The following LRIT3 variants were observed in gnomAD, a reference collection of about 807,000 sequenced individuals.
LRIT3 encodes leucine rich repeat, Ig-like and transmembrane domains 3.
Under a neutral mutation model 22.6 loss-of-function variants are expected in LRIT3, and 14 were observed. The observed-to-expected ratio is 0.62, with a 90% CI of 0.41 to 0.97. The LOEUF (loss-of-function observed/expected upper bound fraction) is 0.97. Among genes scored for constraint, LRIT3 ranks in the 50% least tolerant of loss-of-function variants. The probability of loss-of-function intolerance (pLI) is 0.00; values close to 1 mark genes in which losing one functional copy is unlikely to be tolerated. For missense variants in LRIT3, 783 were observed against 803.0 expected, an observed-to-expected ratio of 0.98 and a Z score of 0.30; for synonymous variants, 306 against 304.5, an observed-to-expected ratio of 1.01 and a Z score of -0.05.
chr4:109,856,044 C>T (rs1218840729), intron 2 of LRIT3, among the ~76,000 whole-genome samples: 3 of 152,100 alleles, frequency 2.0e-5, no homozygotes, highest in African/African-American at 2.4e-5. Flanking sequence ...CATTCCATTC[C>T]CAGAATTATG....
rs1292726071 is a variant in LRIT3 at position 109,851,929 on chromosome 4, CAACACCT to C, written c.543_549del (p.Thr182LeufsTer29). 1 of 1,551,580 alleles carries C rather than the reference CAACACCT, an allele frequency of 6.4e-7. No homozygotes were observed. Among genetic ancestry groups the C allele is most frequent in the East Asian group, 2.4e-5 (1 of 40,918 alleles). On this transcript the variant is annotated frameshift_variant, in exon 2 of 4. Coordinates refer to ENST00000594814, the MANE Select transcript of LRIT3 (RefSeq NM_198506.5). LOFTEE classifies it high-confidence loss of function. Reference sequence around the variant, plus strand: ...CTGGAGAGCTGGACTCATTTAGTTTCAACACCTTCTGGAGTCCTGGACCTTTCCCCAA... The same window carrying C: ...CTGGAGAGCTGGACTCATTTAGTTTCTCTGGAGTCCTGGACCTTTCCCCAA...
At position 109,872,312 on chromosome 4, in the gene LRIT3, A is replaced by G. The variant is rs958218059; in HGVS notation, c.*1523A>G. 9.2e-5 allele frequency: 14 copies of G among 152,276 alleles called. No homozygotes were observed. The highest frequency in any genetic ancestry group is 3.1e-4 in the African/African-American group (13 of 41,474). 9.4% of individuals were successfully genotyped at this position (152,276 alleles called of 1,614,324 possible). A position where few individuals can be genotyped will look rare whatever the true frequency, so the allele number is the denominator to read the frequency against. On this transcript the variant is annotated 3_prime_UTR_variant, in exon 4 of 4. Coordinates refer to ENST00000594814, the MANE Select transcript of LRIT3 (RefSeq NM_198506.5). Reference sequence around the variant, plus strand: ...CACTGCTGGAATAAACTACTTGAGCATTAGATGGTGTCTAAGACTCATCTT... The same window carrying G: ...CACTGCTGGAATAAACTACTTGAGCGTTAGATGGTGTCTAAGACTCATCTT...
At chr4:109,867,569 T>G in intron 2 of LRIT3, 72 bp from the exon 3 acceptor site, 2 of 1,194,820 alleles carry the variant, frequency 1.7e-6, no homozygotes, top group Non-Finnish European at 1.1e-6. Context: ...GATCCCTACT[T>G]TCTCAAGAGG....
intron 2 of LRIT3, 57 bp from the exon 3 acceptor site, chr4:109,867,584 A>ATCAT: frequency 1.4e-6 from 2 of 1,390,984 alleles, no homozygotes; most frequent in Non-Finnish European, 1.9e-6. Context: ...AAGAGGCAGG[A>ATCAT]TGTAAACTGA....
intron 2 of LRIT3, among the ~76,000 whole-genome samples, chr4:109,856,078 A>T (rs1734394087): frequency 6.6e-6 from 1 of 152,118 alleles, no homozygotes; most frequent in Non-Finnish European, 1.5e-5. Context: ...CTGAGATAGG[A>T]ATCTTGGTGA....
chr4:109,865,883 A>G (rs1734666465), intron 2 of LRIT3, among the ~76,000 whole-genome samples: 1 of 152,216 alleles, frequency 6.6e-6, no homozygotes, highest in Non-Finnish European at 1.5e-5. Context: ...AATCATAGCA[A>G]TATAAAATAA....
chr4:109,852,004 A>C (rs1484202633), intron 2 of LRIT3, 28 bp downstream of exon 2: 1 of 1,487,802 alleles, frequency 6.7e-7, no homozygotes, highest in African/African-American at 1.4e-5. Context: ...TGGGCTTTTC[A>C]TCTATAGTTA....
At chr4:109,862,684 G>A (rs932120913) in intron 2 of LRIT3, among the ~76,000 whole-genome samples, 4 of 152,052 alleles carry the variant, frequency 2.6e-5, no homozygotes, top group African/African-American at 9.7e-5. Context: ...TCCAGATATT[G>A]CTGCTTTAAC....
intron 1 of LRIT3, among the ~76,000 whole-genome samples, chr4:109,850,498 A>C (rs1311271071): frequency 8.1e-6 from 1 of 123,110 alleles, no homozygotes; most frequent in Non-Finnish European, 1.7e-5. Flanking sequence ...CTATTTTGAG[A>C]TGGAGTCTCG....
Position 109,869,976 on chromosome 4 carries a change from CT to C in LRIT3, c.1229del (p.Phe410SerfsTer17). 3 of 1,614,056 alleles carry C rather than the reference CT, an allele frequency of 1.9e-6. No individual in the cohort carries two copies. The highest frequency in any genetic ancestry group is 2.5e-6 in the Non-Finnish European group (3 of 1,179,934). On this transcript the variant is annotated frameshift_variant, in exon 4 of 4. Coordinates refer to ENST00000594814, the MANE Select transcript of LRIT3 (RefSeq NM_198506.5). LOFTEE classifies it low-confidence loss of function (END_TRUNC). ...STLSPPSTAS[F>X]SLSPFSSSTV... ...CTTTGTCTCCTCCCTCTACTGCTTC[CT>C]TCTCTTTATCTCCTTTCTCCTCCTC...
At chr4:109,854,383 G>GTTTGTCTAT (rs1197077019) in intron 2 of LRIT3, among the ~76,000 whole-genome samples, 2 of 152,080 alleles carry the variant, frequency 1.3e-5, no homozygotes, top group Non-Finnish European at 2.9e-5. Flanking sequence ...ATTTGGCTCT[G>GTTTGTCTAT]TTTGTCTATT....
intron 2 of LRIT3, among the ~76,000 whole-genome samples, chr4:109,863,424 C>G (rs184768222): frequency 6.0e-4 from 92 of 152,268 alleles, no homozygotes; most frequent in African/African-American, 2.1e-3. Context: ...CTATCCCATG[C>G]TTTTGTGAGG....
rs1453811056 is a variant in LRIT3 at position 109,872,212 on chromosome 4, G to A, written c.*1423G>A. On this transcript the variant is annotated 3_prime_UTR_variant, in exon 4 of 4. Coordinates refer to ENST00000594814, the MANE Select transcript of LRIT3 (RefSeq NM_198506.5). ...CGGTCCTCAAATAGAAGCTCTCCTA[G>A]TCAGTTGGTCATCTGACCTCTGACT... is the stretch of plus-strand genomic sequence containing the variant. The A allele has an allele frequency of 6.6e-6, 1 of 152,240 alleles. No homozygotes were observed. The highest frequency in any genetic ancestry group is 1.5e-5 in the Non-Finnish European group (1 of 68,070). 9.4% of individuals were successfully genotyped at this position (152,240 alleles called of 1,614,324 possible).
At chr4:109,857,855 G>T (rs566375067) in intron 2 of LRIT3, among the ~76,000 whole-genome samples, 1 of 152,210 alleles carries the variant, frequency 6.6e-6, no homozygotes, top group Admixed American at 6.5e-5. Context: ...GGACACACAG[G>T]TCCTAAAGGC....
chr4:109,852,977 C>T (rs1734310187), intron 2 of LRIT3, among the ~76,000 whole-genome samples: 1 of 152,156 alleles, frequency 6.6e-6, no homozygotes, highest in Non-Finnish European at 1.5e-5. Flanking sequence ...TTTCTTTATG[C>T]AGTCTATCAC....
intron 1 of LRIT3, among the ~76,000 whole-genome samples, chr4:109,848,936 AAG>A (rs1202073976): frequency 6.6e-6 from 1 of 152,230 alleles, no homozygotes; most frequent in Non-Finnish European, 1.5e-5. Context: ...GTGTAGTGAG[AAG>A]AGTTATTTAC....
chr4:109,870,535 T>G lies in LRIT3; in HGVS notation c.1786T>G (p.Leu596Val). 6.2e-7 allele frequency: 1 copy of G among 1,614,220 alleles called. No homozygotes were observed. The highest frequency in any genetic ancestry group is 8.5e-7 in the Non-Finnish European group (1 of 1,180,018). The stretch of plus-strand genomic sequence containing the variant: ...GACCAGTACTGCCTGTGTTGTTATC[T>G]TACCATTGATTTGTTTCTTGTTGTA... The part of the protein sequence containing the change: ...VVTSTACVVI[L>V]PLICFLLYKV... Residue 596 changes from leucine (L) to valine (V), a missense_variant, in exon 4 of 4, where the codon TTA becomes GTA. Leu to Val is a conservative substitution (Grantham distance 32, BLOSUM62 1). Transcript: ENST00000594814.
Position 109,851,904 on chromosome 4 carries a change from C to G in LRIT3, c.517C>G (p.Leu173Val). ...ACTCACCACATTGCCACCAGATTTCCTGGAGAGCTGGACTCATTTAGTTTC... is the reference window on the plus strand; with the variant it reads ...ACTCACCACATTGCCACCAGATTTCGTGGAGAGCTGGACTCATTTAGTTTC... ...NRLTTLPPDF[L>V]ESWTHLVSTP... The change falls in exon 2 of 4, where the codon CTG becomes GTG. Residue 173 changes from leucine to valine, a missense_variant. Transcript: ENST00000594814. The G allele has an allele frequency of 6.4e-7, 1 of 1,551,632 alleles. No homozygotes were observed. Among genetic ancestry groups the G allele is most frequent in the Non-Finnish European group, 8.7e-7 (1 of 1,146,958 alleles).
Position 109,870,644 on chromosome 4 carries a change from T to C in LRIT3, c.1895T>C (p.Leu632Pro). 6.2e-7 allele frequency: 1 copy of C among 1,614,132 alleles called. No individual in the cohort carries two copies. The highest frequency in any genetic ancestry group is 8.5e-7 in the Non-Finnish European group (1 of 1,180,010). ...GAGACTTATATCCAATTTGAGACCCTGTTTCCCAGGTCTCAAAGTGTAGGT... is the reference window on the plus strand; with the variant it reads ...GAGACTTATATCCAATTTGAGACCCCGTTTCCCAGGTCTCAAAGTGTAGGT... ...AKETYIQFET[L>P]FPRSQSVGEL... The change falls in exon 4 of 4, where the codon CTG becomes CCG. Residue 632 changes from leucine (L) to proline (P), a missense_variant. Coordinates refer to ENST00000594814, the MANE Select transcript of LRIT3 (RefSeq NM_198506.5).
Sources: allele counts gnomAD v4.1 joint callset (sites outside exome capture counted in the v4.1 genomes callset), GRCh38; gene constraint gnomAD v4.1.1; transcripts MANE v1.5; gene names NCBI Gene and HGNC (gene_info 2026-07-23, HGNC 2026-07-21).